ANKRD30BL: variants seen among roughly 807,000 people sequenced by gnomAD.
The protein encoded by ANKRD30BL is ankyrin repeat domain 30B like, also known as putative ankyrin repeat domain-containing protein 30B-like.
In ANKRD30BL, 20 loss-of-function variants were observed where a neutral mutation model predicts 18.4. That is an observed-to-expected ratio of 1.09 (90% CI 0.77 to 1.58). The LOEUF is 1.58. ANKRD30BL is among the 40% of genes most tolerant of loss of function. The pLI, the probability that ANKRD30BL is intolerant of heterozygous loss-of-function variation, is 0.00. For missense variants in ANKRD30BL, 224 were observed against 268.6 expected (o/e 0.83, Z 1.16); for synonymous variants, 72 against 100.9 (o/e 0.71, Z 1.72).
chr2:132,248,656 C>G lies in ANKRD30BL; in HGVS notation n.441+8873G>C, dbSNP rs562347150. On this transcript the variant is annotated intron_variant and non_coding_transcript_variant, in intron 1 of 4. Transcript: ENST00000470729. ...AGACCTCAAGCCGCTCACAAATATC[C>G]CTTTGCAGATTTTACAAGAACAGAG... is the stretch of plus-strand genomic sequence containing the variant. 1.6e-3 allele frequency among the ~76,000 whole-genome samples: 243 copies of G among 151,936 alleles called. 1 individual carries two copies. Among genetic ancestry groups the G allele is most frequent in the African/African-American group, 5.5e-3 (229 of 41,494 alleles).
At chr2:132,198,462 T>G (rs1679022406) in intron 1 of ANKRD30BL, among the ~76,000 whole-genome samples, 2 of 151,564 alleles carry the variant, frequency 1.3e-5, no homozygotes, top group African/African-American at 4.8e-5. Context: ...TAGCTGGTAC[T>G]ACAGGCATCC....
intron 1 of ANKRD30BL, among the ~76,000 whole-genome samples, chr2:132,243,185 G>A (rs1298868057): frequency 6.6e-6 from 1 of 151,244 alleles, no homozygotes; most frequent in Non-Finnish European, 1.5e-5. Context: ...GTGGACATTT[G>A]GAACGATTTG....
rs533684809 is a variant in ANKRD30BL at position 132,199,275 on chromosome 2, G to A, written n.442-42129C>T. Among the ~76,000 whole-genome samples the A allele has an allele frequency of 2.6e-5, 4 of 152,114 alleles. No homozygotes were observed. In the East Asian group the frequency reaches 5.8e-4, roughly 22 times the overall value. The stretch of plus-strand genomic sequence containing the variant: ...CTCAGGAGGCTGAGACAAGAGAATC[G>A]CTTGAACTTGGGAGGCATAGGTTGC... On this transcript the variant is annotated intron_variant and non_coding_transcript_variant, in intron 1 of 4. Coordinates refer to the ANKRD30BL transcript ENST00000470729.
chr2:132,225,950 G>A (rs1679833273), intron 1 of ANKRD30BL, among the ~76,000 whole-genome samples: 1 of 152,056 alleles, frequency 6.6e-6, no homozygotes, highest in Non-Finnish European at 1.5e-5. Context: ...CACTCTTTTT[G>A]CAGAATCTGC....
Position 132,190,121 on chromosome 2 carries a change from G to A in ANKRD30BL, n.442-32975C>T, listed in dbSNP as rs535395725. Among the ~76,000 whole-genome samples, 49 of 152,188 alleles carry A rather than the reference G, an allele frequency of 3.2e-4. No homozygotes were observed. The East Asian group carries it at 4.6e-3, about 14-fold the overall frequency. ...AGGATTTATTTGAGAAAAAATATGCGTAAAGATGCTTTGGACATTATAAAA... is the reference window on the plus strand; with the variant it reads ...AGGATTTATTTGAGAAAAAATATGCATAAAGATGCTTTGGACATTATAAAA... On this transcript the variant is annotated intron_variant and non_coding_transcript_variant, in intron 1 of 4. Coordinates refer to the ANKRD30BL transcript ENST00000470729.
At chr2:132,184,454 T>G (rs1049692867) in intron 1 of ANKRD30BL, among the ~76,000 whole-genome samples, 2 of 152,236 alleles carry the variant, frequency 1.3e-5, no homozygotes, top group Non-Finnish European at 2.9e-5. Flanking sequence ...GACTTTAGCA[T>G]GGAATTTACA....
chr2:132,165,155 C>T (rs990254575), upstream of ANKRD30BL, among the ~76,000 whole-genome samples: 2 of 152,064 alleles, frequency 1.3e-5, no homozygotes, highest in African/African-American at 4.8e-5. Context: ...TACTTTGGTC[C>T]AAATAATGCC....
intron 1 of ANKRD30BL, among the ~76,000 whole-genome samples, chr2:132,205,596 C>T (rs1250379708): frequency 6.4e-5 from 8 of 125,934 alleles, no homozygotes; most frequent in South Asian, 2.4e-4. Flanking sequence ...AGGGAAACTT[C>T]GTCTCAAAAA....
chr2:132,248,728 A>G (rs201837924), intron 1 of ANKRD30BL, among the ~76,000 whole-genome samples: 1 of 152,078 alleles, frequency 6.6e-6, no homozygotes, highest in African/African-American at 2.4e-5. Context: ...TGTGAGATGA[A>G]TGCACACCTT....
At chr2:132,170,447 C>T (rs1471312621) in intron 1 of ANKRD30BL, among the ~76,000 whole-genome samples, 4 of 152,100 alleles carry the variant, frequency 2.6e-5, no homozygotes, top group African/African-American at 4.8e-5. Context: ...GCAAACTTCC[C>T]GAGGCTCCAC....
At chr2:132,200,334 G>T (rs1018603586) in intron 1 of ANKRD30BL, among the ~76,000 whole-genome samples, 1 of 151,914 alleles carries the variant, frequency 6.6e-6, no homozygotes, top group African/African-American at 2.4e-5. Flanking sequence ...TATTCAATTA[G>T]GAAAAGAGGA....
chr2:132,246,085 A>G (rs796425588), intron 1 of ANKRD30BL, among the ~76,000 whole-genome samples: 1 of 151,488 alleles, frequency 6.6e-6, no homozygotes, highest in East Asian at 1.9e-4. Flanking sequence ...CTGCAAGTTG[A>G]TATTTGGATA....
intron 1 of ANKRD30BL, among the ~76,000 whole-genome samples, chr2:132,229,976 T>C (rs1279643446): frequency 6.6e-6 from 1 of 151,866 alleles, no homozygotes; most frequent in Non-Finnish European, 1.5e-5. Flanking sequence ...ACATAAAAAC[T>C]AGACAGAAGA....
At chr2:132,172,396 G>C (rs1363359414) in intron 1 of ANKRD30BL, among the ~76,000 whole-genome samples, 1 of 151,928 alleles carries the variant, frequency 6.6e-6, no homozygotes, top group Non-Finnish European at 1.5e-5. Context: ...TATTTTCTGG[G>C]GTTTCTTTTC....
At position 132,219,252 on chromosome 2, in the gene ANKRD30BL, T is replaced by C. The variant is rs113428526; in HGVS notation, n.441+38277A>G. Among the ~76,000 whole-genome samples the C allele has an allele frequency of 2.2e-4, 34 of 152,156 alleles. 1 individual carries two copies. Among genetic ancestry groups the C allele is most frequent in the African/African-American group, 8.2e-4 (34 of 41,528 alleles). On this transcript the variant is annotated intron_variant and non_coding_transcript_variant, in intron 1 of 4. Coordinates refer to the ANKRD30BL transcript ENST00000470729. ...ATAGAGCAGTTTTGAGACACTCTTT[T>C]CACAGGATCTGCAAGTGGATATTTG... is the stretch of plus-strand genomic sequence containing the variant.
At chr2:132,183,707 A>G (rs1167002386) in intron 1 of ANKRD30BL, among the ~76,000 whole-genome samples, 1 of 152,090 alleles carries the variant, frequency 6.6e-6, no homozygotes, top group Admixed American at 6.6e-5. Flanking sequence ...ATATGTGTAT[A>G]CGTGTATATA....
intron 1 of ANKRD30BL, among the ~76,000 whole-genome samples, chr2:132,197,744 A>G: frequency 6.6e-6 from 1 of 151,830 alleles, no homozygotes; most frequent in Admixed American, 6.6e-5. Context: ...TTTGAAGCAC[A>G]ATAACTTTTT....
At chr2:132,169,868 C>G (rs796691234) in intron 1 of ANKRD30BL, among the ~76,000 whole-genome samples, 1 of 151,988 alleles carries the variant, frequency 6.6e-6, no homozygotes, top group African/African-American at 2.4e-5. Context: ...AGTTGCATCT[C>G]TAGGTGGTTT....
intron 1 of ANKRD30BL, among the ~76,000 whole-genome samples, chr2:132,168,757 T>C (rs1688228154): frequency 6.6e-6 from 1 of 152,062 alleles, no homozygotes; most frequent in South Asian, 2.1e-4. Context: ...AGAGAAAGTG[T>C]AACTTTGTAA....
Sources: allele counts gnomAD v4.1 joint callset (sites outside exome capture counted in the v4.1 genomes callset), GRCh38; gene constraint gnomAD v4.1.1; transcripts MANE v1.5; gene names NCBI Gene and HGNC (gene_info 2026-07-23, HGNC 2026-07-21).